PLA2G7: variants seen among roughly 807,000 people sequenced by gnomAD.
The protein encoded by PLA2G7 is platelet-activating factor acetylhydrolase.
A neutral mutation model predicts 49.6 loss-of-function variants in PLA2G7; 63 were observed. The ratio of observed to expected loss-of-function variants is 1.27; its 90% confidence interval spans 1.04 to 1.57. The LOEUF (loss-of-function observed/expected upper bound fraction) is 1.57. PLA2G7 is among the 40% of genes most tolerant of loss of function. The pLI is 0.00. For synonymous variants in PLA2G7, 193 were observed against 169.9 expected (o/e 1.14, Z -1.06); for missense variants, 596 against 521.2 (o/e 1.14, Z -1.40).
chr6:46,724,890 T>A (rs1450712088), intron 1 of PLA2G7, among the ~76,000 whole-genome samples: 7 of 152,236 alleles, frequency 4.6e-5, no homozygotes, highest in Admixed American at 4.6e-4. Context: ...TTATCAGATC[T>A]GCAGTCATTC....
At position 46,714,687 on chromosome 6, in the gene PLA2G7, T is replaced by A. The variant is rs574539589; in HGVS notation, c.377-134A>T. On this transcript the variant is annotated intron_variant, in intron 4 of 11. Transcript: ENST00000274793. ...TTTTTATGGATGAATAGTAGATTCATTAAAAAGACTGCTACTAGATACCCA... is the reference window on the plus strand; with the variant it reads ...TTTTTATGGATGAATAGTAGATTCAATAAAAAGACTGCTACTAGATACCCA... 25 of 682,862 alleles carry A rather than the reference T, an allele frequency of 3.7e-5. No individual in the cohort carries two copies. In the South Asian group the frequency reaches 3.9e-4, roughly 11 times the overall value. 42.3% of individuals were successfully genotyped at this position (682,862 alleles called of 1,614,324 possible).
intron 1 of PLA2G7, among the ~76,000 whole-genome samples, chr6:46,725,571 T>C (rs2150709899): frequency 6.6e-6 from 1 of 152,250 alleles, no homozygotes; most frequent in South Asian, 2.1e-4. Flanking sequence ...TATTTCCTTA[T>C]TCAACATCTT....
At chr6:46,710,971 C>T (rs1765000807) in intron 7 of PLA2G7, among the ~76,000 whole-genome samples, 1 of 152,152 alleles carries the variant, frequency 6.6e-6, no homozygotes, top group African/African-American at 2.4e-5. Flanking sequence ...CATAATAACA[C>T]ATGTAAAACA....
At chr6:46,720,918 C>T (rs1765376527) in intron 2 of PLA2G7, among the ~76,000 whole-genome samples, 2 of 152,162 alleles carry the variant, frequency 1.3e-5, no homozygotes, top group Non-Finnish European at 2.9e-5. Context: ...TTCCTACAAA[C>T]CTTTTAACCT....
chr6:46,711,726 C>T, intron 6 of PLA2G7, 107 bp from the exon 7 acceptor site: 1 of 1,120,424 alleles, frequency 8.9e-7, no homozygotes, highest in Non-Finnish European at 1.3e-6. Context: ...CTTTTGACTT[C>T]CCTTTCTTCT....
Position 46,716,501 on chromosome 6 carries a change from A to T in PLA2G7, c.259T>A (p.Ser87Thr). ...GTGTCAAGGCGATCATTATCTTGGG[A>T]TGGATAATATAAACGCAAGAAGGTG... ...KGTFLRLYYP[S>T]QDNDRLDTLW... Residue 87 changes from serine to threonine, a missense_variant, in exon 4 of 12, where the codon TCC becomes ACC. By Grantham distance (58) the Ser-to-Thr change is moderately conservative. Coordinates refer to ENST00000274793, the MANE Select transcript of PLA2G7 (RefSeq NM_005084.4). 1 of 1,613,760 alleles carries T rather than the reference A, an allele frequency of 6.2e-7. No individual in the cohort carries two copies.
intron 1 of PLA2G7, among the ~76,000 whole-genome samples, chr6:46,732,772 G>A (rs1765774727): frequency 6.6e-6 from 1 of 152,198 alleles, no homozygotes; most frequent in Non-Finnish European, 1.5e-5. Flanking sequence ...AAATGACAGT[G>A]AGGGCACATA....
At chr6:46,710,360 G>T (rs902339547) in intron 8 of PLA2G7, among the ~76,000 whole-genome samples, 185 bp downstream of exon 8, 9 of 152,142 alleles carry the variant, frequency 5.9e-5, no homozygotes, top group Non-Finnish European at 1.2e-4. Flanking sequence ...TCTAGTCCAA[G>T]ATAATGCATT....
chr6:46,710,117 C>T (rs1764962673), intron 8 of PLA2G7, among the ~76,000 whole-genome samples: 1 of 152,058 alleles, frequency 6.6e-6, no homozygotes, highest in South Asian at 2.1e-4. Context: ...CTCTAGTTCC[C>T]CCTAATCCCT....
intron 1 of PLA2G7, among the ~76,000 whole-genome samples, chr6:46,729,576 A>C (rs1470941733): frequency 1.3e-5 from 2 of 152,220 alleles, no homozygotes; most frequent in Non-Finnish European, 2.9e-5. Flanking sequence ...GAAGACAAAG[A>C]GGTTAAATAA....
In PLA2G7 at chr6:46,704,476, TCTCACACACACA is replaced by T. The variant is rs1282128211; in HGVS notation, c.*72_*83del. On this transcript the variant is annotated 3_prime_UTR_variant, in exon 12 of 12. Transcript: ENST00000274793. ...CTCTCTCTCTCTCTCTCTCTCTCTC[TCTCACACACACA>T]CACACACACACACACACACACATAA... 2.7e-4 allele frequency: 14 copies of T among 52,238 alleles called. No individual in the cohort carries two copies. Among genetic ancestry groups the T allele is most frequent in the African/African-American group, 4.7e-4 (2 of 4,250 alleles). 3.2% of individuals were successfully genotyped at this position (52,238 alleles called of 1,614,324 possible). A position where few individuals can be genotyped will look rare whatever the true frequency, so the allele number is the denominator to read the frequency against.
chr6:46,734,949 GA>G (rs1224463547), intron 1 of PLA2G7, among the ~76,000 whole-genome samples: 3 of 152,190 alleles, frequency 2.0e-5, no homozygotes, highest in Non-Finnish European at 4.4e-5. Flanking sequence ...TTCCTTTCGG[GA>G]AAAGGTTTGG....
intron 2 of PLA2G7, among the ~76,000 whole-genome samples, chr6:46,718,987 C>T (rs1391640456): frequency 6.6e-6 from 1 of 152,238 alleles, no homozygotes; most frequent in African/African-American, 2.4e-5. Context: ...TTTTACTCAT[C>T]CACTCCTAAA....
chr6:46,704,583 A>G lies in PLA2G7; in HGVS notation c.1303T>C (p.Ser435Pro), dbSNP rs746277749. 1 of 1,593,996 alleles carries G rather than the reference A, an allele frequency of 6.3e-7. No homozygotes were observed. Among genetic ancestry groups the G allele is most frequent in the South Asian group, 1.1e-5 (1 of 90,700 alleles). The change falls in exon 12 of 12, where the codon TCA becomes CCA. Residue 435 changes from serine (S) to proline (P), a missense_variant. Coordinates refer to ENST00000274793, the MANE Select transcript of PLA2G7 (RefSeq NM_005084.4). ...TCCTAATTGTATTTCTCTATTCCTG[A>G]AGAGTTCTGTAACATGATGTGTTGA... ...TNQHIMLQNS[S>P]GIEKYN is the part of the protein sequence containing the mutation.
intron 1 of PLA2G7, among the ~76,000 whole-genome samples, chr6:46,732,881 A>G (rs1765779086): frequency 6.6e-6 from 1 of 152,160 alleles, no homozygotes; most frequent in Admixed American, 6.5e-5. Flanking sequence ...TTTCTCTTCA[A>G]TTTCCCTTCA....
intron 7 of PLA2G7, 89 bp downstream of exon 7, chr6:46,711,407 C>T (rs1050112319): frequency 2.4e-5 from 34 of 1,416,872 alleles, no homozygotes; most frequent in Non-Finnish European, 2.9e-5. Context: ...AGGAGCATAA[C>T]TTGCCAGGTG....
intron 1 of PLA2G7, among the ~76,000 whole-genome samples, chr6:46,729,186 G>A (rs941613132): frequency 8.5e-5 from 13 of 152,112 alleles, no homozygotes; most frequent in Non-Finnish European, 1.3e-4. Context: ...ATGCTCTCCC[G>A]CTAAAGGAAC....
At chr6:46,723,639 C>A (rs562444247) in intron 1 of PLA2G7, among the ~76,000 whole-genome samples, 1 of 152,260 alleles carries the variant, frequency 6.6e-6, no homozygotes, top group South Asian at 2.1e-4. Flanking sequence ...TCCATTTTCC[C>A]CCCTAAAATT....
chr6:46,713,059 A>G (rs1478894434), intron 5 of PLA2G7, among the ~76,000 whole-genome samples: 2 of 152,202 alleles, frequency 1.3e-5, no homozygotes, highest in Non-Finnish European at 2.9e-5. Flanking sequence ...CATTTTCAGT[A>G]CTTATATTAG....
Sources: allele counts gnomAD v4.1 joint callset (sites outside exome capture counted in the v4.1 genomes callset), GRCh38; gene constraint gnomAD v4.1.1; transcripts MANE v1.5; gene names NCBI Gene and HGNC (gene_info 2026-07-23, HGNC 2026-07-21).